Variants in NOTCH1 observed in about 807,000 individuals in gnomAD.
NOTCH1 encodes the protein notch receptor 1.
A neutral mutation model predicts 254.8 loss-of-function variants in NOTCH1; 37 were observed. The observed-to-expected ratio is 0.15, with a 90% CI of 0.11 to 0.19. The LOEUF (loss-of-function observed/expected upper bound fraction) is 0.19, where lower values mean the gene tolerates loss of function less well. Among genes scored for constraint, NOTCH1 ranks in the 10% least tolerant of loss-of-function variants. The pLI, the probability that NOTCH1 is intolerant of heterozygous loss-of-function variation, is 1.00. For synonymous variants in NOTCH1, 1,731 were observed against 1,618.1 expected (o/e 1.07, Z -1.68); for missense variants, 2,972 against 3,708.6 (o/e 0.80, Z 5.16).
intron 33 of NOTCH1, among the ~76,000 whole-genome samples, chr9:136,498,144 G>A (rs532691056): frequency 1.3e-5 from 2 of 151,872 alleles, no homozygotes; most frequent in East Asian, 3.9e-4. Flanking sequence ...GAGCGCCTGG[G>A]CCAACATGCC....
rs1222540852 is a variant in NOTCH1 at position 136,523,817 on chromosome 9, G to C, written c.303C>G (p.Pro101=). 1 of 1,611,808 alleles carries C rather than the reference G, an allele frequency of 6.2e-7. No individual in the cohort carries two copies. Among genetic ancestry groups the C allele is most frequent in the Admixed American group, 1.7e-5 (1 of 59,880 alleles). The change falls in exon 3 of 34, where the codon CCC becomes CCG. Residue 101 remains proline, a synonymous_variant. Transcript: ENST00000651671. ...GGTTGGTGAGGCAGGCATTGTCCAGGGGTGTCAGGCAGAGGGGCCCAGAGA... is the reference window on the plus strand; with the variant it reads ...GGTTGGTGAGGCAGGCATTGTCCAGCGGTGTCAGGCAGAGGGGCCCAGAGA... The part of the protein sequence containing the change: ...LGFSGPLCLT[P]LDNACLTNPC...
intron 2 of NOTCH1, among the ~76,000 whole-genome samples, chr9:136,536,600 G>A (rs1284600456): frequency 1.3e-5 from 2 of 152,208 alleles, no homozygotes; most frequent in African/African-American, 4.8e-5. Flanking sequence ...CTTTGGTCTG[G>A]AGCTCCCTGC....
intron 2 of NOTCH1, among the ~76,000 whole-genome samples, chr9:136,528,586 C>T (rs893619102): frequency 2.7e-5 from 4 of 149,804 alleles, no homozygotes; most frequent in Admixed American, 6.7e-5. Flanking sequence ...GGGGCCTCTC[C>T]GGTGCACAGG....
chr9:136,541,889 T>C (rs1042931570), intron 2 of NOTCH1, among the ~76,000 whole-genome samples: 2 of 152,166 alleles, frequency 1.3e-5, no homozygotes, highest in Admixed American at 1.3e-4. Flanking sequence ...GGGGTCTCTG[T>C]GGGCTGAGCT....
intron 31 of NOTCH1, 45 bp downstream of exon 31, chr9:136,500,507 C>A (rs11574909): frequency 4.4e-6 from 7 of 1,601,916 alleles, no homozygotes; most frequent in Non-Finnish European, 5.9e-6. Context: ...GACCACCAGG[C>A]GGCCCTGAGG....
At chr9:136,543,598 C>A in intron 2 of NOTCH1, 2 of 360,938 alleles carry the variant, frequency 5.5e-6, no homozygotes, top group Non-Finnish European at 1.1e-5. Flanking sequence ...GCATCACCCC[C>A]GAGAGGAGGC....
chr9:136,529,744 T>C (rs930825976), intron 2 of NOTCH1, among the ~76,000 whole-genome samples: 2 of 152,222 alleles, frequency 1.3e-5, no homozygotes, highest in African/African-American at 2.4e-5. Context: ...CCGCTGGGTC[T>C]TTCTTCCCTT....
At chr9:136,535,774 T>G (rs1589080116) in intron 2 of NOTCH1, among the ~76,000 whole-genome samples, 1 of 21,718 alleles carries the variant, frequency 4.6e-5, no homozygotes, top group Non-Finnish European at 9.8e-5. Flanking sequence ...GAGTGCAGGG[T>G]GGGTGGAGAG....
chr9:136,516,378 C>T (rs1049388118), intron 9 of NOTCH1, among the ~76,000 whole-genome samples: 1 of 152,238 alleles, frequency 6.6e-6, no homozygotes, highest in Non-Finnish European at 1.5e-5. Flanking sequence ...GGGCTCCCCT[C>T]GCTCCAGTGT....
intron 8 of NOTCH1, 118 bp downstream of exon 8, chr9:136,517,634 G>C: frequency 4.7e-6 from 6 of 1,289,340 alleles, no homozygotes; most frequent in Non-Finnish European, 5.5e-6. Flanking sequence ...GCAGGCTGTG[G>C]GCCCAGAAGG....
chr9:136,506,906 C>T lies in NOTCH1; in HGVS notation c.3711G>A (p.Lys1237=), dbSNP rs1175633689. The T allele has an allele frequency of 1.2e-6, 2 of 1,611,686 alleles. No homozygotes were observed. Among genetic ancestry groups the T allele is most frequent in the Non-Finnish European group, 1.7e-6 (2 of 1,179,446 alleles). Residue 1237 remains lysine, a synonymous_variant, in exon 23 of 34, where the codon AAG becomes AAA. Transcript: ENST00000651671. This position sits in a 1 kb window ranked among gnomAD's most constrained non-coding sequence, Gnocchi z 4.5. ...PPVDPVSRSP[K]CFNNGTCVDQ... ...CCACGCAGGTGCCGTTGTTAAAGCA[C>T]TTGGGGCTCCGGGACACGGGGTCAA...
At chr9:136,500,899 G>A (rs528096815) in intron 30 of NOTCH1, 52 bp from the exon 31 acceptor site, 5 of 1,525,996 alleles carry the variant, frequency 3.3e-6, no homozygotes, top group South Asian at 2.4e-5. Flanking sequence ...CCCAGCTGCA[G>A]CCCAGGGGGA....
chr9:136,508,125 G>T lies in NOTCH1; in HGVS notation c.3340C>A (p.Arg1114Ser). ...CAGAGCCCTCCATGCTGGCACAGGC[G>T]GGCAACGTCAACACCTGCGGGGGAT... ...AAQRQGVDVA[R>S]LCQHGGLCVD... is the part of the protein sequence containing the mutation. Residue 1114 changes from arginine to serine, a missense_variant, in exon 21 of 34, where the codon CGC becomes AGC. Coordinates refer to ENST00000651671, the MANE Select transcript of NOTCH1 (RefSeq NM_017617.5). The T allele has an allele frequency of 6.2e-7, 1 of 1,608,144 alleles. No individual in the cohort carries two copies. Among genetic ancestry groups the T allele is most frequent in the Non-Finnish European group, 8.5e-7 (1 of 1,179,808 alleles).
rs373960609 is a variant in NOTCH1 at position 136,505,561 on chromosome 9, G to A, written c.4335C>T (p.Ile1445=). 8.0e-5 allele frequency: 129 copies of A among 1,611,018 alleles called. 2 individuals are homozygous for A. In the South Asian group the frequency reaches 8.1e-4, roughly 10 times the overall value. The change falls in exon 25 of 34, where the codon ATC becomes ATT. Residue 1445 remains isoleucine (I), a synonymous_variant. Transcript: ENST00000651671. ...ACTCGGGCAGCTCGCACGCCTCCTCGATCAGCGGCGGGGGGATGTCGCGCC... is the reference window on the plus strand; with the variant it reads ...ACTCGGGCAGCTCGCACGCCTCCTCAATCAGCGGCGGGGGGATGTCGCGCC... The part of the protein sequence containing the change: ...GAGRDIPPPL[I]EEACELPECQ...
intron 5 of NOTCH1, 98 bp from the exon 6 acceptor site, chr9:136,518,922 C>A: frequency 9.8e-7 from 1 of 1,017,482 alleles, no homozygotes; most frequent in Non-Finnish European, 1.5e-6. Flanking sequence ...CTCCAGGAAG[C>A]CTTCCTGGGC....
intron 2 of NOTCH1, chr9:136,543,785 G>C: frequency 3.3e-6 from 2 of 613,662 alleles, no homozygotes; most frequent in Non-Finnish European, 5.9e-6. Context: ...CCCGGAGCCT[G>C]AGGTGGCCCA....
At chr9:136,520,634 G>A (rs1270125898) in intron 4 of NOTCH1, among the ~76,000 whole-genome samples, 1 of 152,112 alleles carries the variant, frequency 6.6e-6, no homozygotes, top group Non-Finnish European at 1.5e-5. Flanking sequence ...GCTACTTGAG[G>A]GGCTGAGGCA....
chr9:136,530,117 A>AG (rs1173041837), intron 2 of NOTCH1, among the ~76,000 whole-genome samples: 1 of 152,112 alleles, frequency 6.6e-6, no homozygotes, highest in Non-Finnish European at 1.5e-5. Flanking sequence ...AGCGGGCAGC[A>AG]GGGGGCGGAG....
intron 15 of NOTCH1, among the ~76,000 whole-genome samples, chr9:136,512,536 G>A (rs1229788295): frequency 9.2e-5 from 14 of 152,258 alleles, no homozygotes; most frequent in East Asian, 1.9e-4. Flanking sequence ...TCCTTGTTCC[G>A]CTCACACAAA....
Sources: gnomAD v4.1 joint callset for allele counts (sites outside exome capture counted in the v4.1 genomes callset) on GRCh38, gnomAD v4.1.1 for gene constraint, Gnocchi (gnomAD v3.1) non-coding constraint, MANE v1.5 for transcripts, NCBI Gene and HGNC (gene_info 2026-07-23, HGNC 2026-07-21) for gene names.